Variants in NAALADL2 observed in about 807,000 individuals in gnomAD.
The protein encoded by NAALADL2 is N-acetylated alpha-linked acidic dipeptidase like 2.
NAALADL2 carries 76 observed loss-of-function variants against 87.2 expected under a neutral mutation model. The observed-to-expected ratio is 0.87, with a 90% CI of 0.72 to 1.05. NAALADL2 has a LOEUF of 1.05. Among genes scored for constraint, NAALADL2 ranks in the 50% least tolerant of loss-of-function variants. The pLI is 0.00. For missense variants in NAALADL2, 1,089 were observed against 945.8 expected, an observed-to-expected ratio of 1.15 and a Z score of -1.99; for synonymous variants, 354 against 331.0, an observed-to-expected ratio of 1.07 and a Z score of -0.75.
chr3:174,763,748 G>A (rs1713402031), intron 3 of NAALADL2, among the ~76,000 whole-genome samples: 1 of 150,596 alleles, frequency 6.6e-6, no homozygotes, highest in Non-Finnish European at 1.5e-5. Context: ...GAGTTGTAGA[G>A]TGAAATGATT....
chr3:175,398,267 C>T (rs1770069604), intron 5 of NAALADL2, among the ~76,000 whole-genome samples: 1 of 151,460 alleles, frequency 6.6e-6, no homozygotes, highest in South Asian at 2.1e-4. Context: ...AAAAAGACAG[C>T]CCCAGACTTG....
intron 1 of NAALADL2, among the ~76,000 whole-genome samples, chr3:174,867,033 G>T (rs1398467173): frequency 1.3e-5 from 2 of 151,342 alleles, no homozygotes; most frequent in African/African-American, 4.9e-5. Context: ...ATCTTATGTT[G>T]TTTAGTAACA....
At chr3:175,656,257 CT>C (rs1296717962) in intron 11 of NAALADL2, among the ~76,000 whole-genome samples, 1 of 152,134 alleles carries the variant, frequency 6.6e-6, no homozygotes, top group Non-Finnish European at 1.5e-5. Context: ...TGAGTTGAAA[CT>C]CAGAGACGTT....
chr3:174,496,453 C>T (rs534271771), intron 1 of NAALADL2, among the ~76,000 whole-genome samples: 11 of 150,292 alleles, frequency 7.3e-5, no homozygotes, highest in African/African-American at 2.7e-4. Context: ...GATATGTATT[C>T]ATTGATGCCA....
intron 1 of NAALADL2, among the ~76,000 whole-genome samples, chr3:174,460,742 C>A (rs1716165467): frequency 1.3e-5 from 2 of 151,732 alleles, no homozygotes; most frequent in South Asian, 4.2e-4. Context: ...CCATAATAAA[C>A]CTACCCATTT....
chr3:175,509,112 G>A (rs1400927637), intron 9 of NAALADL2, among the ~76,000 whole-genome samples: 6 of 149,000 alleles, frequency 4.0e-5, no homozygotes, highest in Non-Finnish European at 8.9e-5. Flanking sequence ...GCAAAACTCC[G>A]TGTCAAAAAA....
At chr3:174,902,321 G>A (rs191381387) in intron 1 of NAALADL2, among the ~76,000 whole-genome samples, 29 of 152,150 alleles carry the variant, frequency 1.9e-4, no homozygotes, top group African/African-American at 6.5e-4. Flanking sequence ...CTTGCCTTGT[G>A]TTATAGAACA....
At chr3:175,614,013 C>T (rs962015718) in intron 10 of NAALADL2, among the ~76,000 whole-genome samples, 1 of 152,070 alleles carries the variant, frequency 6.6e-6, no homozygotes, top group Non-Finnish European at 1.5e-5. Context: ...TACAATATCC[C>T]ACAATATACT....
chr3:174,820,880 T>C (rs1402625201), intron 3 of NAALADL2, among the ~76,000 whole-genome samples: 1 of 152,224 alleles, frequency 6.6e-6, no homozygotes, highest in Non-Finnish European at 1.5e-5. Context: ...TAACTAATTT[T>C]GCATTTGAAA....
At chr3:174,612,781 A>G (rs1239538139) in intron 2 of NAALADL2, among the ~76,000 whole-genome samples, 1 of 152,060 alleles carries the variant, frequency 6.6e-6, no homozygotes, top group Non-Finnish European at 1.5e-5. Flanking sequence ...TGTTTCTCCT[A>G]ACTTGATCCC....
In NAALADL2 at chr3:175,365,594, A is replaced by C. The variant is rs1382597383; in HGVS notation, c.1090+41269A>C. Among the ~76,000 whole-genome samples the C allele has an allele frequency of 3.4e-5, 5 of 147,510 alleles. No individual in the cohort carries two copies. In the Admixed American group the frequency reaches 3.5e-4, roughly 10 times the overall value. ...ATTTTTCTGATTCCACGAAGGCAAA[A>C]TAACATGTTTGGTGGTCATCCTTCT... On this transcript the variant is annotated intron_variant, in intron 5 of 13. Coordinates refer to ENST00000454872, the MANE Select transcript of NAALADL2 (RefSeq NM_207015.3).
At chr3:175,560,957 CA>C (rs529082161) in intron 9 of NAALADL2, among the ~76,000 whole-genome samples, 40 of 152,176 alleles carry the variant, frequency 2.6e-4, no homozygotes, top group African/African-American at 7.5e-4. Context: ...GAAGTGGGTT[CA>C]AAAAGGAAAG....
At chr3:175,435,256 G>A (rs368125238) in intron 5 of NAALADL2, among the ~76,000 whole-genome samples, 1 of 151,904 alleles carries the variant, frequency 6.6e-6, no homozygotes, top group East Asian at 1.9e-4. Flanking sequence ...TAAAGAACAC[G>A]TTAATGACCA....
At chr3:175,483,014 TA>T (rs1726730202) in intron 9 of NAALADL2, among the ~76,000 whole-genome samples, 1 of 151,938 alleles carries the variant, frequency 6.6e-6, no homozygotes, top group South Asian at 2.1e-4. Flanking sequence ...TTCCTTAAAA[TA>T]AACATACCTG....
intron 2 of NAALADL2, among the ~76,000 whole-genome samples, chr3:174,632,355 A>G (rs1722200297): frequency 6.6e-6 from 1 of 152,238 alleles, no homozygotes; most frequent in Admixed American, 6.5e-5. Flanking sequence ...GCAAATAATT[A>G]AAATAGTCAT....
chr3:174,952,781 C>A (rs1740571312), intron 1 of NAALADL2, among the ~76,000 whole-genome samples: 2 of 152,078 alleles, frequency 1.3e-5, no homozygotes, highest in African/African-American at 4.8e-5. Flanking sequence ...TATAAGGAAG[C>A]CTGCATGACA....
chr3:175,097,245 G>A lies in NAALADL2; in HGVS notation c.499G>A (p.Glu167Lys), dbSNP rs1721318397. The A allele has an allele frequency of 6.2e-7, 1 of 1,613,220 alleles. No homozygotes were observed. The highest frequency in any genetic ancestry group is 8.5e-7 in the Non-Finnish European group (1 of 1,179,398). ...AACAGTTGATCCTCAGTTATATCAA[G>A]AGATTCTCAAGACAATCCAGGCAGA... ...SGTVDPQLYQEILKTIQAEDI... is the reference protein window; with the variant it reads ...SGTVDPQLYQKILKTIQAEDI... The change falls in exon 2 of 14, where the codon GAG becomes AAG. Residue 167 changes from glutamate (E) to lysine (K), a missense_variant. Coordinates refer to ENST00000454872, the MANE Select transcript of NAALADL2 (RefSeq NM_207015.3).
intron 13 of NAALADL2, among the ~76,000 whole-genome samples, chr3:175,758,468 G>A (rs983484121): frequency 4.0e-5 from 6 of 151,698 alleles, no homozygotes; most frequent in African/African-American, 9.7e-5. Context: ...TCGTTTAGAC[G>A]TATCGGACTC....
intron 1 of NAALADL2, among the ~76,000 whole-genome samples, chr3:175,070,129 T>A (rs1010242633): frequency 4.0e-5 from 6 of 150,714 alleles, no homozygotes; most frequent in African/African-American, 1.2e-4. Context: ...AACCTGCACA[T>A]TGTGCACATG....
Sources: gnomAD v4.1 joint callset for allele counts (sites outside exome capture counted in the v4.1 genomes callset) on GRCh38, gnomAD v4.1.1 for gene constraint, MANE v1.5 for transcripts, NCBI Gene and HGNC (gene_info 2026-07-23, HGNC 2026-07-21) for gene names.